Variants in RALYL observed in about 807,000 individuals in gnomAD.
RALYL encodes the protein RALY RNA binding protein like, also known as RNA-binding Raly-like protein.
A neutral mutation model predicts 35.1 loss-of-function variants in RALYL; 29 were observed. The ratio of observed to expected loss-of-function variants is 0.83; its 90% CI spans 0.61 to 1.13. RALYL has a LOEUF of 1.13. Among genes scored for constraint, RALYL ranks in the 50% most tolerant of loss-of-function variants. The probability of loss-of-function intolerance (pLI) is 0.00; values close to 1 mark genes in which losing one functional copy is unlikely to be tolerated. For synonymous variants in RALYL, 120 were observed against 127.6 expected, an observed-to-expected ratio of 0.94 and a Z score of 0.40; for missense variants, 359 against 360.4, an observed-to-expected ratio of 1.00 and a Z score of 0.03.
intron 4 of RALYL, among the ~76,000 whole-genome samples, chr8:84,824,168 A>G (rs2134272890): frequency 6.6e-6 from 1 of 152,312 alleles, no homozygotes; most frequent in African/African-American, 2.4e-5. Flanking sequence ...TTCAGCCTAC[A>G]AAATCAGTGT....
chr8:84,729,224 T>C (rs572623868), intron 2 of RALYL, among the ~76,000 whole-genome samples: 11 of 152,170 alleles, frequency 7.2e-5, no homozygotes, highest in Middle Eastern at 3.4e-3. Flanking sequence ...GTATTTTATT[T>C]TCTTTGAAGC....
intron 2 of RALYL, among the ~76,000 whole-genome samples, chr8:84,636,707 C>T: frequency 6.6e-6 from 1 of 151,796 alleles, no homozygotes. Context: ...CAGGGCTATT[C>T]CACACTTACT....
At chr8:84,509,117 T>C (rs539801528) in intron 1 of RALYL, among the ~76,000 whole-genome samples, 8 of 152,272 alleles carry the variant, frequency 5.3e-5, no homozygotes, top group African/African-American at 1.9e-4. Flanking sequence ...TTCCTAAAAA[T>C]AATACCTTGT....
At chr8:84,659,944 A>C (rs1210084700) in intron 2 of RALYL, among the ~76,000 whole-genome samples, 1 of 152,184 alleles carries the variant, frequency 6.6e-6, no homozygotes, top group African/African-American at 2.4e-5. Context: ...AATACTGTCT[A>C]TATGAATAGG....
intron 2 of RALYL, among the ~76,000 whole-genome samples, chr8:84,734,083 A>T (rs997729685): frequency 6.6e-6 from 1 of 152,190 alleles, no homozygotes; most frequent in Non-Finnish European, 1.5e-5. Context: ...AAAATGCGTG[A>T]TTTATGCAGA....
intron 4 of RALYL, among the ~76,000 whole-genome samples, chr8:84,816,032 C>CAAAAAAAAAAAAAAAAAAAAAAAAAA (rs5892931): frequency 1.2e-5 from 1 of 84,196 alleles, no homozygotes; most frequent in Non-Finnish European, 2.3e-5. Flanking sequence ...GACTCTGTCT[C>CAAAAAAAAAAAAAAAAAAAAAAAAAA]AAAAAAAAAA....
intron 1 of RALYL, among the ~76,000 whole-genome samples, chr8:84,245,834 T>A (rs1380032253): frequency 3.3e-5 from 5 of 152,088 alleles, no homozygotes; most frequent in Non-Finnish European, 7.4e-5. Context: ...GAATAAAGGT[T>A]ATGAGAAGGC....
intron 1 of RALYL, among the ~76,000 whole-genome samples, chr8:84,353,667 T>G (rs1400301819): frequency 6.7e-6 from 1 of 150,364 alleles, no homozygotes; most frequent in Non-Finnish European, 1.5e-5. Flanking sequence ...GGTGCAAGAC[T>G]TAACATTAAC....
intron 2 of RALYL, among the ~76,000 whole-genome samples, chr8:84,614,512 C>T (rs1819000353): frequency 6.6e-6 from 1 of 151,628 alleles, no homozygotes; most frequent in African/African-American, 2.4e-5. Flanking sequence ...CTTCAATCTC[C>T]CTCAGTAATA....
intron 1 of RALYL, chr8:84,184,795 G>T: frequency 6.6e-6 from 4 of 610,320 alleles, no homozygotes; most frequent in Non-Finnish European, 1.2e-5. Context: ...AGCAGGAGGG[G>T]CGAGGGCCGT....
At position 84,219,289 on chromosome 8, in the gene RALYL, C is replaced by T. The variant is rs558929791; in HGVS notation, c.-24+34865C>T. 1.1e-4 allele frequency among the ~76,000 whole-genome samples: 17 copies of T among 152,000 alleles called. No individual in the cohort carries two copies. The South Asian group carries it at 3.1e-3, about 28-fold the overall frequency. On this transcript the variant is annotated intron_variant, in intron 1 of 8. Coordinates refer to ENST00000521268, the MANE Select transcript of RALYL (RefSeq NM_173848.7). ...AAGAACTGATGGTTTTATAAATGTT[C>T]GGTAGTTCCTCTTGCATTCATTCTC...
At position 84,517,925 on chromosome 8, in the gene RALYL, G is replaced by A. The variant is rs187110130; in HGVS notation, c.-23-11374G>A. Among the ~76,000 whole-genome samples, 397 of 152,238 alleles carry A rather than the reference G, an allele frequency of 2.6e-3. 1 individual carries two copies. The highest frequency in any genetic ancestry group is 0.017 in the Middle Eastern group (5 of 294). ...AATAAAGATGGGAATCTCAAGATCAGAGAGCCTAAATAACTGCCAAAAGTT... is the reference window on the plus strand; with the variant it reads ...AATAAAGATGGGAATCTCAAGATCAAAGAGCCTAAATAACTGCCAAAAGTT... On this transcript the variant is annotated intron_variant, in intron 1 of 8. Transcript: ENST00000521268.
chr8:84,518,181 C>T (rs1388553022), intron 1 of RALYL, among the ~76,000 whole-genome samples: 1 of 148,654 alleles, frequency 6.7e-6, no homozygotes, highest in East Asian at 2.0e-4. Flanking sequence ...AGTCAACCAT[C>T]TCCTTACTAT....
chr8:84,302,110 G>A (rs1267063447), intron 1 of RALYL, among the ~76,000 whole-genome samples: 2 of 152,104 alleles, frequency 1.3e-5, no homozygotes, highest in Non-Finnish European at 2.9e-5. Flanking sequence ...CTGTATCAAA[G>A]ATTATCATAC....
intron 2 of RALYL, among the ~76,000 whole-genome samples, chr8:84,693,978 T>C (rs1229904369): frequency 6.6e-6 from 1 of 151,776 alleles, no homozygotes; most frequent in Non-Finnish European, 1.5e-5. Context: ...CTCTACACAA[T>C]AAAGGCCATA....
At chr8:84,582,943 A>T (rs1426025733) in intron 2 of RALYL, among the ~76,000 whole-genome samples, 2 of 152,132 alleles carry the variant, frequency 1.3e-5, no homozygotes, top group African/African-American at 4.8e-5. Flanking sequence ...GGATGCTGTG[A>T]GATACTGATT....
intron 2 of RALYL, among the ~76,000 whole-genome samples, chr8:84,697,610 C>A (rs1270886969): frequency 6.6e-6 from 1 of 151,998 alleles, no homozygotes; most frequent in African/African-American, 2.4e-5. Context: ...ACTTTTAATT[C>A]AGGAGTGAAA....
chr8:84,854,346 AAAAAAG>A (rs990179444), intron 5 of RALYL, among the ~76,000 whole-genome samples: 8 of 139,734 alleles, frequency 5.7e-5, no homozygotes, highest in Non-Finnish European at 9.4e-5. Flanking sequence ...CTCCGTCTAA[AAAAAAG>A]AAAAAGAAAA....
chr8:84,231,155 C>T (rs1825251851), intron 1 of RALYL, among the ~76,000 whole-genome samples: 1 of 152,142 alleles, frequency 6.6e-6, no homozygotes, highest in Non-Finnish European at 1.5e-5. Context: ...ATCCTTTCTA[C>T]TTACAAATTC....
Sources: gnomAD v4.1 joint callset for allele counts (sites outside exome capture counted in the v4.1 genomes callset) on GRCh38, gnomAD v4.1.1 for gene constraint, MANE v1.5 for transcripts, NCBI Gene and HGNC (gene_info 2026-07-23, HGNC 2026-07-21) for gene names.